Variants in ZNF772 observed in about 807,000 individuals in gnomAD.
ZNF772 encodes zinc finger protein 772.
A neutral mutation model predicts 11.0 loss-of-function variants in ZNF772; 8 were observed. That is an observed-to-expected ratio of 0.73 (90% CI 0.43 to 1.31). The LOEUF (loss-of-function observed/expected upper bound fraction) is 1.31. Ranked by LOEUF, ZNF772 falls within the 50% of genes most tolerant of loss-of-function variation. ZNF772 has a pLI of 0.01. For synonymous variants in ZNF772, 155 were observed against 180.4 expected (o/e 0.86, Z 1.13); for missense variants, 496 against 552.3 (o/e 0.90, Z 1.02).
chr19:57,473,247 A>C lies in ZNF772; in HGVS notation c.*27T>G, dbSNP rs1241928638. On this transcript the variant is annotated 3_prime_UTR_variant, in exon 4 of 4. Transcript: ENST00000356584. ...CTCTCTGATGTCAGTTATTATGTTGAACAAGGAAACGGAATTATCTCCCAT... is the reference window on the plus strand; with the variant it reads ...CTCTCTGATGTCAGTTATTATGTTGCACAAGGAAACGGAATTATCTCCCAT... The C allele has an allele frequency of 2.5e-6, 4 of 1,591,250 alleles. No homozygotes were observed. The highest frequency in any genetic ancestry group is 2.3e-5 in the South Asian group (2 of 88,066).
At position 57,474,101 on chromosome 19, in the gene ZNF772, C is replaced by T. The variant is rs148226447; in HGVS notation, c.520G>A (p.Val174Met). 4 of 1,614,056 alleles carry T rather than the reference C, an allele frequency of 2.5e-6. No homozygotes were observed. The highest frequency in any genetic ancestry group is 1.7e-5 in the Admixed American group (1 of 60,006). Residue 174 changes from valine to methionine, a missense_variant, in exon 4 of 4, where the codon GTG (valine) becomes ATG (methionine). Val to Met is a conservative substitution (Grantham distance 21). Transcript: ENST00000356584. ...ACAAAAGACATCTCCATTGATTGCACAGCACAGTTGTTCAGAAGAAAGGGC... is the reference window on the plus strand; with the variant it reads ...ACAAAAGACATCTCCATTGATTGCATAGCACAGTTGTTCAGAAGAAAGGGC... ...SRPFLLNNCA[V>M]QSMEMSFVTG...
chr19:57,474,434 A>C lies in ZNF772; in HGVS notation c.200-13T>G. The C allele has an allele frequency of 1.3e-6, 2 of 1,593,564 alleles. No individual in the cohort carries two copies. Among genetic ancestry groups the C allele is most frequent in the Non-Finnish European group, 1.7e-6 (2 of 1,172,782 alleles). On this transcript the variant is annotated splice_polypyrimidine_tract_variant and intron_variant, in intron 3 of 3. Coordinates refer to ENST00000356584, the MANE Select transcript of ZNF772 (RefSeq NM_001144068.2). ...CCATGCCAACAACCTGAAAGCAGAG[A>C]AATGCTGGTGAAGTACAAATTGACA...
Position 57,470,548 on chromosome 19 carries a change from T to C in ZNF772, c.*2726A>G, listed in dbSNP as rs1328265994. 6.6e-6 allele frequency: 1 copy of C among 152,078 alleles called. No homozygotes were observed. Among genetic ancestry groups the C allele is most frequent in the Non-Finnish European group, 1.5e-5 (1 of 68,010 alleles). 9.4% of individuals were successfully genotyped at this position (152,078 alleles called of 1,614,324 possible). ...TGAAATCCAATAAAAGCGGAAGGCA[T>C]TAGTAAAACTCAAAATGGAAAAGAA... On this transcript the variant is annotated 3_prime_UTR_variant, in exon 4 of 4. Coordinates refer to ENST00000356584, the MANE Select transcript of ZNF772 (RefSeq NM_001144068.2).
Position 57,476,524 on chromosome 19 carries a change from G to C in ZNF772, c.72+110C>G, listed in dbSNP as rs1441730938. 6 of 1,389,556 alleles carry C rather than the reference G, an allele frequency of 4.3e-6. No individual in the cohort carries two copies. In the East Asian group the frequency reaches 1.1e-4, roughly 27 times the overall value. The allele number at this position is 1,389,556 out of a possible 1,614,324, so 86.1% of individuals were successfully genotyped here. The stretch of plus-strand genomic sequence containing the variant: ...GCTTGGGGCTTCTCCAGAGTCCTCA[G>C]ACCCAAGAGATCGGAGAGTAGCAGG... On this transcript the variant is annotated intron_variant, in intron 2 of 3. Coordinates refer to ENST00000356584, the MANE Select transcript of ZNF772 (RefSeq NM_001144068.2).
At position 57,474,272 on chromosome 19, in the gene ZNF772, G is replaced by A; in HGVS notation, c.349C>T (p.His117Tyr). 1 of 1,614,178 alleles carries A rather than the reference G, an allele frequency of 6.2e-7. No homozygotes were observed. Among genetic ancestry groups the A allele is most frequent in the East Asian group, 2.2e-5 (1 of 44,886 alleles). The stretch of plus-strand genomic sequence containing the variant: ...TGTGTTTCCTGGTGCTCAGCCAAGT[G>A]CAAAATGTCTTTTAAGACCAGGCCA... The part of the protein sequence containing the change: ...TCGLVLKDIL[H>Y]LAEHQETHPG... Residue 117 changes from histidine (H) to tyrosine (Y), a missense_variant, in exon 4 of 4, where the codon CAC becomes TAC. By Grantham distance (83) the His-to-Tyr change is moderately conservative. Coordinates refer to ENST00000356584, the MANE Select transcript of ZNF772 (RefSeq NM_001144068.2).
At position 57,477,532 on chromosome 19, in the gene ZNF772, C is replaced by T. The variant is rs980995191; in HGVS notation, c.-223G>A. 3.9e-6 allele frequency: 2 copies of T among 514,772 alleles called. No homozygotes were observed. The allele number at this position is 514,772 out of a possible 1,614,324, so 31.9% of individuals were successfully genotyped here. On this transcript the variant is annotated 5_prime_UTR_variant, in exon 1 of 4. Coordinates refer to ENST00000356584, the MANE Select transcript of ZNF772 (RefSeq NM_001144068.2). ...ACCAGTGGATTAATGGAAAAGCAAA[C>T]AAAATGTCCACCCGAGGATGGTAGA... is the stretch of plus-strand genomic sequence containing the variant.
In ZNF772 at chr19:57,471,783, C is replaced by G. The variant is rs934641352; in HGVS notation, c.*1491G>C. On this transcript the variant is annotated 3_prime_UTR_variant, in exon 4 of 4. Coordinates refer to ENST00000356584, the MANE Select transcript of ZNF772 (RefSeq NM_001144068.2). ...GAAATGAACTATGAAACACAGAACA[C>G]CACCATGAGCCTTAATTTCAGAGTT... 4 of 188,270 alleles carry G rather than the reference C, an allele frequency of 2.1e-5. No individual in the cohort carries two copies. Among genetic ancestry groups the G allele is most frequent in the Non-Finnish European group, 4.4e-5 (4 of 90,538 alleles). The allele number at this position is 188,270 out of a possible 1,614,324, so 11.7% of individuals were successfully genotyped here. A position where few individuals can be genotyped will look rare whatever the true frequency, so the allele number is the denominator to read the frequency against.
At position 57,475,790 on chromosome 19, in the gene ZNF772, C is replaced by A; in HGVS notation, c.73-4G>T. ...CGTCCTCAAAGTTCACCTGCCCCTG[C>A]CACAATCAGGAGAGCCAAGTCCATG... On this transcript the variant is annotated splice_polypyrimidine_tract_variant and splice_region_variant and intron_variant, in intron 2 of 3. Coordinates refer to ENST00000356584, the MANE Select transcript of ZNF772 (RefSeq NM_001144068.2). This position sits in a 1 kb window ranked among gnomAD's most constrained non-coding sequence, Gnocchi z 4.2. The A allele has an allele frequency of 1.1e-5, 17 of 1,593,414 alleles. No individual in the cohort carries two copies. Among genetic ancestry groups the A allele is most frequent in the Non-Finnish European group, 1.4e-5 (16 of 1,170,114 alleles).
At chr19:57,476,773 G>T in intron 1 of ZNF772, 101 bp from the exon 2 acceptor site, 2 of 1,022,470 alleles carry the variant, frequency 2.0e-6, no homozygotes, top group Non-Finnish European at 1.4e-6. Flanking sequence ...GTGCCTGGGA[G>T]CTGAATGTCT....
In ZNF772 at chr19:57,473,151, G is replaced by C. The variant is rs2089234739; in HGVS notation, c.*123C>G. ...GCTGGCACTCGGAAGAACCTCCCCA[G>C]GGTGAGTGTTTGAGTGTATAAAGTT... On this transcript the variant is annotated 3_prime_UTR_variant, in exon 4 of 4. Coordinates refer to ENST00000356584, the MANE Select transcript of ZNF772 (RefSeq NM_001144068.2). 2 of 955,484 alleles carry C rather than the reference G, an allele frequency of 2.1e-6. No individual in the cohort carries two copies. The highest frequency in any genetic ancestry group is 3.3e-5 in the African/African-American group (2 of 60,284). The allele number at this position is 955,484 out of a possible 1,614,324, so 59.2% of individuals were successfully genotyped here. A position where few individuals can be genotyped will look rare whatever the true frequency, so the allele number is the denominator to read the frequency against.
chr19:57,476,443 G>A (rs931748041), intron 2 of ZNF772, 191 bp downstream of exon 2: 2 of 652,050 alleles, frequency 3.1e-6, no homozygotes, highest in African/African-American at 3.6e-5. Context: ...TATTCCAATG[G>A]TTGGCAGAAA....
chr19:57,474,486 C>A, intron 3 of ZNF772, 65 bp from the exon 4 acceptor site: 1 of 1,497,600 alleles, frequency 6.7e-7, no homozygotes, highest in Non-Finnish European at 9.0e-7. Flanking sequence ...AGCCTCACTA[C>A]AAATATGTGT....
rs778658970 is a variant in ZNF772, at chr19:57,473,392, T to G, written c.1229A>C (p.Gln410Pro). The G allele has an allele frequency of 6.2e-7, 1 of 1,613,712 alleles. No homozygotes were observed. The highest frequency in any genetic ancestry group is 1.1e-5 in the South Asian group (1 of 91,050). Reference sequence around the variant, plus strand: ...TTCTCCAGTGTGAATTCTATGATGCTGAACAAGTACATGTTTGTGGCTAAA... The same window carrying G: ...TTCTCCAGTGTGAATTCTATGATGCGGAACAAGTACATGTTTGTGGCTAAA... ...KAFSHKHVLV[Q>P]HHRIHTGERP... The change falls in exon 4 of 4, where the codon CAG (glutamine) becomes CCG (proline). Residue 410 changes from glutamine (Q) to proline (P), a missense_variant. Physicochemically the swap from Gln to Pro is moderately conservative, Grantham distance 76 (BLOSUM62 -1). Transcript: ENST00000356584.
intron 1 of ZNF772, 93 bp from the exon 2 acceptor site, chr19:57,476,765 G>T: frequency 8.7e-7 from 1 of 1,144,036 alleles, no homozygotes; most frequent in Non-Finnish European, 1.2e-6. Context: ...GTTACAATGT[G>T]CCTGGGAGCT....
Position 57,473,236 on chromosome 19 carries a change from T to C in ZNF772, c.*38A>G. ...GCTTGGAGCTTCTCTCTGATGTCAG[T>C]TATTATGTTGAACAAGGAAACGGAA... On this transcript the variant is annotated 3_prime_UTR_variant, in exon 4 of 4. Transcript: ENST00000356584. 1.3e-6 allele frequency: 2 copies of C among 1,573,674 alleles called. No individual in the cohort carries two copies. Among genetic ancestry groups the C allele is most frequent in the East Asian group, 4.5e-5 (2 of 44,534 alleles).
rs1361717322 is a variant in ZNF772, at chr19:57,475,995, G to T, written c.73-209C>A. 6.6e-6 allele frequency among the ~76,000 whole-genome samples: 1 copy of T among 152,206 alleles called. No homozygotes were observed. Among genetic ancestry groups the T allele is most frequent in the African/African-American group, 2.4e-5 (1 of 41,458 alleles). On this transcript the variant is annotated intron_variant, in intron 2 of 3. Transcript: ENST00000356584. This position sits in a 1 kb window ranked among gnomAD's most constrained non-coding sequence, Gnocchi z 4.2. ...ATAGCAACCACAGGCAGGTGAAGAA[G>T]TTGTCACCCTCTAAGCTCTGTGCTT... is the stretch of plus-strand genomic sequence containing the variant.
Position 57,475,284 on chromosome 19 carries a change from T to G in ZNF772, c.199+376A>C. ...TAGCGACCATAATGGTCCCTACAAT[T>G]CCTGACATAGGCAGGCCACAGGAAA... On this transcript the variant is annotated intron_variant, in intron 3 of 3. Coordinates refer to ENST00000356584, the MANE Select transcript of ZNF772 (RefSeq NM_001144068.2). This position sits in a 1 kb window ranked among gnomAD's most constrained non-coding sequence, Gnocchi z 4.2. 9.0e-7 allele frequency: 1 copy of G among 1,116,302 alleles called. No individual in the cohort carries two copies. Among genetic ancestry groups the G allele is most frequent in the Non-Finnish European group, 1.3e-6 (1 of 795,720 alleles). 69.1% of individuals were successfully genotyped at this position (1,116,302 alleles called of 1,614,324 possible). A position where few individuals can be genotyped will look rare whatever the true frequency, so the allele number is the denominator to read the frequency against.
At chr19:57,476,554 T>C (rs1448448726) in intron 2 of ZNF772, 80 bp downstream of exon 2, 1 of 1,504,324 alleles carries the variant, frequency 6.6e-7, no homozygotes, top group Admixed American at 1.7e-5. Context: ...AGCAGGAGAG[T>C]GTTCTATATA....
Position 57,472,083 on chromosome 19 carries a change from G to A in ZNF772, c.*1191C>T, listed in dbSNP as rs2089221268. ...GTAACCTTAGCCATAAGAGACACAG[G>A]TATGGAAATATTTCTGTAAACCCTC... On this transcript the variant is annotated 3_prime_UTR_variant, in exon 4 of 4. Coordinates refer to ENST00000356584, the MANE Select transcript of ZNF772 (RefSeq NM_001144068.2). 2.2e-6 allele frequency: 1 copy of A among 455,558 alleles called. No individual in the cohort carries two copies. Among genetic ancestry groups the A allele is most frequent in the Non-Finnish European group, 4.4e-6 (1 of 226,806 alleles). 28.2% of individuals were successfully genotyped at this position (455,558 alleles called of 1,614,324 possible).
Sources: gnomAD v4.1 joint callset for allele counts (sites outside exome capture counted in the v4.1 genomes callset) on GRCh38, gnomAD v4.1.1 for gene constraint, Gnocchi (gnomAD v3.1) non-coding constraint, MANE v1.5 for transcripts, NCBI Gene and HGNC (gene_info 2026-07-23, HGNC 2026-07-21) for gene names.